DPYD: variants seen among roughly 807,000 people sequenced by gnomAD.
The protein encoded by DPYD is dihydropyrimidine dehydrogenase.
In DPYD, 109 loss-of-function variants were observed where a neutral mutation model predicts 116.2. The observed-to-expected ratio is 0.94, with a 90% CI of 0.80 to 1.10. The LOEUF (loss-of-function observed/expected upper bound fraction) is 1.10. DPYD is among the 50% of genes least tolerant of loss of function. The pLI is 0.00. For synonymous variants in DPYD, 440 were observed against 432.0 expected (o/e 1.02, Z -0.23); for missense variants, 1,302 against 1,254.5 (o/e 1.04, Z -0.57).
chr1:97,380,727 G>T (rs1671908205), intron 15 of DPYD, among the ~76,000 whole-genome samples: 3 of 152,314 alleles, frequency 2.0e-5, no homozygotes, highest in African/African-American at 7.2e-5. Flanking sequence ...CACCCCAAAA[G>T]AAATGTATAT....
intron 12 of DPYD, among the ~76,000 whole-genome samples, chr1:97,537,798 A>G (rs545701403): frequency 6.6e-6 from 1 of 152,362 alleles, no homozygotes; most frequent in Non-Finnish European, 1.5e-5. Flanking sequence ...TTTAAAAAAT[A>G]TACGTTGAGG....
chr1:97,465,663 G>A (rs1677279824), intron 13 of DPYD, among the ~76,000 whole-genome samples: 2 of 152,258 alleles, frequency 1.3e-5, no homozygotes, highest in South Asian at 4.2e-4. Context: ...CTTGCCTTCT[G>A]CTATGATTGT....
chr1:97,525,758 T>G (rs911997031), intron 12 of DPYD, among the ~76,000 whole-genome samples: 8 of 108,714 alleles, frequency 7.4e-5, no homozygotes, highest in Non-Finnish European at 1.3e-4. Context: ...CCTGGGTAAT[T>G]AGAGAGAGAG....
chr1:97,462,470 A>T (rs963290629), intron 13 of DPYD, among the ~76,000 whole-genome samples: 3 of 152,086 alleles, frequency 2.0e-5, no homozygotes, highest in African/African-American at 7.2e-5. Context: ...CTCTCAGTCA[A>T]GGGCATTGCA....
intron 1 of DPYD, among the ~76,000 whole-genome samples, chr1:97,905,426 A>G (rs1396482304): frequency 6.6e-6 from 1 of 152,066 alleles, no homozygotes; most frequent in African/African-American, 2.4e-5. Flanking sequence ...AATCAGTTTT[A>G]TAACACATCT....
At chr1:97,154,909 A>T (rs1003528823) in intron 20 of DPYD, among the ~76,000 whole-genome samples, 2 of 152,160 alleles carry the variant, frequency 1.3e-5, no homozygotes, top group African/African-American at 4.8e-5. Flanking sequence ...CTATTGAAAT[A>T]AAAAATAAAT....
At chr1:97,385,758 A>G (rs1672307747) in intron 14 of DPYD, among the ~76,000 whole-genome samples, 1 of 152,052 alleles carries the variant, frequency 6.6e-6, no homozygotes, top group Admixed American at 6.6e-5. Context: ...GGTTGACCAC[A>G]GAAATCCACA....
At chr1:97,230,354 G>A (rs1355434753) in intron 19 of DPYD, among the ~76,000 whole-genome samples, 2 of 152,116 alleles carry the variant, frequency 1.3e-5, no homozygotes, top group Non-Finnish European at 2.9e-5. Flanking sequence ...GGAGCTGGAG[G>A]CCATTATCCT....
intron 8 of DPYD, among the ~76,000 whole-genome samples, chr1:97,663,155 C>G (rs1334421289): frequency 6.6e-6 from 1 of 152,170 alleles, no homozygotes; most frequent in Admixed American, 6.5e-5. Flanking sequence ...CCAAATCTAC[C>G]TCTCCTGCCC....
intron 14 of DPYD, among the ~76,000 whole-genome samples, chr1:97,385,016 T>C (rs1336249314): frequency 6.6e-6 from 1 of 152,008 alleles, no homozygotes; most frequent in Non-Finnish European, 1.5e-5. Flanking sequence ...GAGAAAAATG[T>C]AAGAATGCTT....
intron 10 of DPYD, among the ~76,000 whole-genome samples, chr1:97,591,849 A>C (rs1273487346): frequency 1.3e-5 from 2 of 152,268 alleles, no homozygotes; most frequent in East Asian, 3.9e-4. Context: ...ATGTGTAAAA[A>C]AAAACCATGA....
intron 14 of DPYD, among the ~76,000 whole-genome samples, chr1:97,387,798 A>G (rs1037319869): frequency 5.9e-5 from 9 of 152,242 alleles, no homozygotes; most frequent in African/African-American, 1.9e-4. Flanking sequence ...TTGTGGTTGT[A>G]GATTCATGAG....
At chr1:97,491,249 TATAATA>T (rs1678959353) in intron 13 of DPYD, among the ~76,000 whole-genome samples, 1 of 148,238 alleles carries the variant, frequency 6.7e-6, no homozygotes, top group African/African-American at 2.5e-5. Flanking sequence ...TAATATAAGA[TATAATA>T]ATAATATGAA....
chr1:97,175,979 G>A (rs1024413991), intron 20 of DPYD, among the ~76,000 whole-genome samples: 1 of 152,166 alleles, frequency 6.6e-6, no homozygotes, highest in Non-Finnish European at 1.5e-5. Flanking sequence ...ATTTTCCCCT[G>A]TACTTGACTT....
chr1:97,545,729 G>A lies in DPYD; in HGVS notation c.1524+3831C>T, dbSNP rs770012666. ...CAACTAATAGTAATGGCCCCGAACC[G>A]TGAAGAAAGGGAATTTCGTGCTCCA... On this transcript the variant is annotated intron_variant, in intron 12 of 22. Transcript: ENST00000370192. 2.9e-5 allele frequency: 39 copies of A among 1,343,814 alleles called. No homozygotes were observed. In the African/African-American group the frequency reaches 4.6e-4, roughly 16 times the overall value. The allele number at this position is 1,343,814 out of a possible 1,614,324, so 83.2% of individuals were successfully genotyped here.
At chr1:97,502,321 T>C (rs1679629250) in intron 13 of DPYD, among the ~76,000 whole-genome samples, 1 of 152,072 alleles carries the variant, frequency 6.6e-6, no homozygotes, top group Admixed American at 6.6e-5. Flanking sequence ...AATTTTCTTT[T>C]TCTTCTTTTT....
At chr1:97,283,177 G>T (rs1665439482) in intron 18 of DPYD, among the ~76,000 whole-genome samples, 1 of 151,952 alleles carries the variant, frequency 6.6e-6, no homozygotes, top group Admixed American at 6.6e-5. Context: ...TTAATACTTA[G>T]ACTTTTTTCT....
At chr1:97,230,612 C>T (rs189120164) in intron 19 of DPYD, among the ~76,000 whole-genome samples, 14 of 152,148 alleles carry the variant, frequency 9.2e-5, no homozygotes, top group South Asian at 8.3e-4. Context: ...AACCTGCACA[C>T]GTACCCTGAA....
intron 8 of DPYD, among the ~76,000 whole-genome samples, chr1:97,635,866 C>G (rs545151128): frequency 3.3e-5 from 5 of 152,258 alleles, no homozygotes; most frequent in African/African-American, 1.2e-4. Flanking sequence ...GTTGCCCTGG[C>G]TGGAATGCAG....
Sources: gnomAD v4.1 joint callset for allele counts (sites outside exome capture counted in the v4.1 genomes callset) on GRCh38, gnomAD v4.1.1 for gene constraint, MANE v1.5 for transcripts, NCBI Gene and HGNC (gene_info 2026-07-23, HGNC 2026-07-21) for gene names.